The following NFASC variants were observed in gnomAD, a reference collection of about 807,000 sequenced individuals.
NFASC encodes neurofascin homolog.
Under a neutral mutation model 147.5 loss-of-function variants are expected in NFASC, and 43 were observed. The observed-to-expected ratio is 0.29, with a 90% CI of 0.23 to 0.38. The LOEUF (loss-of-function observed/expected upper bound fraction) is 0.38. Ranked by LOEUF, NFASC falls within the 10% of genes least tolerant of loss-of-function variation. NFASC has a pLI of 1.00. For synonymous variants in NFASC, 622 were observed against 665.5 expected, an observed-to-expected ratio of 0.93 and a Z score of 1.01; for missense variants, 1,320 against 1,689.0, an observed-to-expected ratio of 0.78 and a Z score of 3.83.
chr1:204,968,056 A>T lies in NFASC; in HGVS notation c.707-193A>T, dbSNP rs139962543. On this transcript the variant is annotated intron_variant, in intron 8 of 29. Coordinates refer to ENST00000339876, the MANE Select transcript of NFASC (RefSeq NM_001005388.3). The surrounding 1 kb of genome is among the most constrained non-coding windows in gnomAD (Gnocchi z 5.4). ...TCAGAACCTAGAGCTCCTCTCTCTC[A>T]TGTAGGTGGGGCTGAGGAGCCCTGG... 3,792 of 552,764 alleles carry T rather than the reference A, an allele frequency of 6.9e-3. 24 individuals are homozygous for T. Among genetic ancestry groups the T allele is most frequent in the Non-Finnish European group, 8.8e-3 (2,711 of 306,422 alleles). The allele number at this position is 552,764 out of a possible 1,614,324, so 34.2% of individuals were successfully genotyped here. A position where few individuals can be genotyped will look rare whatever the true frequency, so the allele number is the denominator to read the frequency against.
chr1:204,997,504 TG>T, intron 25 of NFASC, 98 bp downstream of exon 25: 1 of 1,391,278 alleles, frequency 7.2e-7, no homozygotes, highest in Non-Finnish European at 1.0e-6. Flanking sequence ...AGGTGGGGTC[TG>T]GGGTGGTGTT....
intron 26 of NFASC, 95 bp from the exon 27 acceptor site, chr1:205,002,498 CCCA>C (rs2096011077): frequency 3.8e-6 from 4 of 1,056,684 alleles, no homozygotes; most frequent in Non-Finnish European, 5.1e-6. Flanking sequence ...GGTCCCTTCC[CCCA>C]CACTTTCTAC....
At chr1:204,935,591 G>C (rs916057833) in intron 2 of NFASC, among the ~76,000 whole-genome samples, 18 of 152,212 alleles carry the variant, frequency 1.2e-4, no homozygotes, top group Admixed American at 3.3e-4. Context: ...GGGTGCTGCA[G>C]AGCTTGTGTG....
intron 1 of NFASC, among the ~76,000 whole-genome samples, chr1:204,832,670 A>G (rs1003506548): frequency 6.6e-6 from 1 of 152,240 alleles, no homozygotes; most frequent in African/African-American, 2.4e-5. Flanking sequence ...TCATCAATGT[A>G]TCCTGAGCCT....
intron 8 of NFASC, among the ~76,000 whole-genome samples, chr1:204,962,552 G>A (rs964762990): frequency 1.3e-5 from 2 of 152,194 alleles, no homozygotes; most frequent in South Asian, 4.1e-4. Flanking sequence ...GTTCCTATTG[G>A]TAGTTGAAAG....
rs2095368171 is a variant in NFASC, at chr1:204,975,167, T to C, written c.1559-104T>C. 7.8e-7 allele frequency: 1 copy of C among 1,281,966 alleles called. No individual in the cohort carries two copies. Among genetic ancestry groups the C allele is most frequent in the Non-Finnish European group, 1.1e-6 (1 of 923,364 alleles). 79.4% of individuals were successfully genotyped at this position (1,281,966 alleles called of 1,614,324 possible). Reference sequence around the variant, plus strand: ...AGCATACTGTTTGTGCCCCACTCCATAGTTGGCCCAAGGCCTCGAGGGCAG... The same window carrying C: ...AGCATACTGTTTGTGCCCCACTCCACAGTTGGCCCAAGGCCTCGAGGGCAG... On this transcript the variant is annotated intron_variant, in intron 14 of 29. Transcript: ENST00000339876. The surrounding 1 kb of genome is among the most constrained non-coding windows in gnomAD (Gnocchi z 4.0).
intron 21 of NFASC, among the ~76,000 whole-genome samples, chr1:204,983,595 C>T (rs541736846): frequency 6.6e-6 from 1 of 152,128 alleles, no homozygotes; most frequent in Non-Finnish European, 1.5e-5. Flanking sequence ...GGAATTGATA[C>T]CCACCCTTCC....
chr1:204,909,540 T>C (rs1212728753), intron 1 of NFASC, among the ~76,000 whole-genome samples: 2 of 152,242 alleles, frequency 1.3e-5, no homozygotes, highest in African/African-American at 4.8e-5. Context: ...CTCGTCATCT[T>C]CTTTCGCAGA....
intron 1 of NFASC, among the ~76,000 whole-genome samples, chr1:204,832,407 A>G (rs4951133): frequency 3.3e-5 from 5 of 151,998 alleles, no homozygotes; most frequent in Admixed American, 1.3e-4. Context: ...TATTGTGAGG[A>G]CTGCAAGGTT....
At position 204,852,706 on chromosome 1, in the gene NFASC, C is replaced by T. The variant is rs146732881; in HGVS notation, c.-200+23924C>T. ...ATTCCCTTCCATCCTCTCCTACCAG[C>T]TGAGTTTTCTTTGGCAAAGTTCAGT... On this transcript the variant is annotated intron_variant, in intron 1 of 29. Coordinates refer to ENST00000339876, the MANE Select transcript of NFASC (RefSeq NM_001005388.3). Among the ~76,000 whole-genome samples, 29 of 152,280 alleles carry T rather than the reference C, an allele frequency of 1.9e-4. 2 individuals are homozygous for T. The highest frequency in any genetic ancestry group is 5.5e-4 in the African/African-American group (23 of 41,554).
chr1:204,964,893 C>T (rs1277292715), intron 8 of NFASC, among the ~76,000 whole-genome samples: 1 of 152,176 alleles, frequency 6.6e-6, no homozygotes, highest in African/African-American at 2.4e-5. Context: ...TTGATGTTTC[C>T]TCAAAAGAGA....
chr1:204,956,322 C>T (rs544770452), intron 7 of NFASC, among the ~76,000 whole-genome samples: 2 of 152,336 alleles, frequency 1.3e-5, no homozygotes, highest in Admixed American at 6.5e-5. Flanking sequence ...TTCCCTGGCA[C>T]CCAGTCCCAT....
intron 21 of NFASC, among the ~76,000 whole-genome samples, chr1:204,982,669 C>T (rs994101273): frequency 4.6e-5 from 7 of 152,262 alleles, no homozygotes; most frequent in African/African-American, 1.7e-4. Flanking sequence ...TGCCTGGCTT[C>T]CCAGACGGTG....
At chr1:204,835,273 T>C (rs968730896) in intron 1 of NFASC, among the ~76,000 whole-genome samples, 3 of 136,156 alleles carry the variant, frequency 2.2e-5, no homozygotes, top group African/African-American at 8.5e-5. Flanking sequence ...CAGGCTGGAG[T>C]GCAGTGGCAC....
At chr1:204,874,252 A>G (rs372952853) in intron 1 of NFASC, among the ~76,000 whole-genome samples, 1 of 152,180 alleles carries the variant, frequency 6.6e-6, no homozygotes, top group Non-Finnish European at 1.5e-5. Flanking sequence ...CTCAGGTTAA[A>G]TAACCCATGG....
intron 1 of NFASC, among the ~76,000 whole-genome samples, chr1:204,853,207 T>A (rs1398599957): frequency 6.6e-6 from 1 of 152,098 alleles, no homozygotes; most frequent in Non-Finnish European, 1.5e-5. Context: ...CTGAAAAAAA[T>A]GTTTTAATAT....
intron 1 of NFASC, among the ~76,000 whole-genome samples, chr1:204,907,530 T>C (rs751908031): frequency 2.0e-5 from 3 of 152,110 alleles, no homozygotes; most frequent in Non-Finnish European, 4.4e-5. Context: ...CGACCCTGGG[T>C]TTCCCAGTGT....
chr1:204,969,820 G>A (rs1338618408), intron 10 of NFASC, among the ~76,000 whole-genome samples: 1 of 152,138 alleles, frequency 6.6e-6, no homozygotes, highest in Non-Finnish European at 1.5e-5. Flanking sequence ...GCTCATGCCT[G>A]TAATCCTAGC....
rs577189233 is a variant in NFASC at position 204,997,213 on chromosome 1, T to C, written c.2826T>C (p.Ala942=). 27 of 1,613,712 alleles carry C rather than the reference T, an allele frequency of 1.7e-5. No individual in the cohort carries two copies. The highest frequency in any genetic ancestry group is 2.3e-5 in the Non-Finnish European group (27 of 1,179,786). Residue 942 remains alanine, a synonymous_variant, in exon 25 of 30, where the codon GCT becomes GCC. Transcript: ENST00000339876. ...CGACTACCGTGGGTGCGACGGGCGC[T>C]GTGAGCAGTACCGATGCTACTGCCA... is the stretch of plus-strand genomic sequence containing the variant. The part of the protein sequence containing the change: ...LPPTTVGATG[A]VSSTDATAIA...
Sources: allele counts gnomAD v4.1 joint callset (sites outside exome capture counted in the v4.1 genomes callset), GRCh38; gene constraint gnomAD v4.1.1; non-coding constraint Gnocchi (gnomAD v3.1); transcripts MANE v1.5; gene names NCBI Gene and HGNC (gene_info 2026-07-23, HGNC 2026-07-21).